COL4A4: variants seen among roughly 807,000 people sequenced by gnomAD.
COL4A4 encodes the protein collagen alpha-4(IV) chain.
A neutral mutation model predicts 192.9 loss-of-function variants in COL4A4; 105 were observed. The ratio of observed to expected loss-of-function variants is 0.54; its 90% CI spans 0.46 to 0.64. The LOEUF (loss-of-function observed/expected upper bound fraction) is 0.64. Among genes scored for constraint, COL4A4 ranks in the 30% least tolerant of loss-of-function variants. The probability of loss-of-function intolerance (pLI) is 0.00; values close to 1 mark genes in which losing one functional copy is unlikely to be tolerated. For synonymous variants in COL4A4, 762 were observed against 769.9 expected (o/e 0.99, Z 0.17); for missense variants, 1,967 against 2,169.3 (o/e 0.91, Z 1.85).
intron 44 of COL4A4, among the ~76,000 whole-genome samples, chr2:227,013,754 AG>A (rs1441812372): frequency 1.1e-4 from 16 of 152,198 alleles, no homozygotes; most frequent in African/African-American, 3.6e-4. Context: ...ATTAAATCAA[AG>A]GGGCTTGCTT....
chr2:226,995,800 C>A, the COL4A4 span: 1 of 440,360 alleles, frequency 2.3e-6, no homozygotes, highest in South Asian at 3.8e-5. Context: ...ACTGCTGACT[C>A]AGCGATGCCT....
chr2:227,113,779 G>A (rs2061347756), intron 8 of COL4A4, among the ~76,000 whole-genome samples: 1 of 152,156 alleles, frequency 6.6e-6, no homozygotes, highest in Non-Finnish European at 1.5e-5. Flanking sequence ...CTTACTAAAG[G>A]GATCACTGCT....
intron 19 of COL4A4, 74 bp downstream of exon 19, chr2:227,098,620 T>C: frequency 8.9e-7 from 1 of 1,126,950 alleles, no homozygotes; most frequent in Non-Finnish European, 1.4e-6. Flanking sequence ...CAGCTACAGT[T>C]GAAAGCTACT....
Position 227,045,824 on chromosome 2 carries a change from A to T in COL4A4, c.3289+1651T>A. 3.4e-5 allele frequency among the ~76,000 whole-genome samples: 2 copies of T among 58,470 alleles called. 1 individual carries two copies. The highest frequency in any genetic ancestry group is 5.9e-5 in the Non-Finnish European group (2 of 33,722). 38.4% of individuals were successfully genotyped at this position (58,470 alleles called of 152,430 possible). On this transcript the variant is annotated intron_variant, in intron 35 of 47. Transcript: ENST00000396625. Reference sequence around the variant, plus strand: ...CACATATATATATATATACACATATATATATATACACACATATATATATAC... The same window carrying T: ...CACATATATATATATATACACATATTTATATATACACACATATATATATAC...
At chr2:227,028,204 G>A (rs922020757) in intron 41 of COL4A4, among the ~76,000 whole-genome samples, 195 bp from the exon 42 acceptor site, 3 of 152,140 alleles carry the variant, frequency 2.0e-5, no homozygotes, top group South Asian at 2.1e-4. Flanking sequence ...ATGATCGGCC[G>A]AAAGAACTAA....
Position 227,012,229 on chromosome 2 carries a change from GA to G in COL4A4, c.4284del (p.Gly1430AspfsTer122). On this transcript the variant is annotated frameshift_variant, in exon 45 of 48. Coordinates refer to ENST00000396625, the MANE Select transcript of COL4A4 (RefSeq NM_000092.5). LOFTEE classifies it high-confidence loss of function. ...TCTCCTGTGTCACCTTTACGTCCGG[GA>G]GGCCCAGGAGACCCAGGGACGCCAT... ...GVDGVPGSPGPPGRKGDTGED... is the reference protein window; with the variant it reads ...GVDGVPGSPGXPGRKGDTGED... The G allele has an allele frequency of 6.2e-7, 1 of 1,614,082 alleles. No homozygotes were observed. The highest frequency in any genetic ancestry group is 8.5e-7 in the Non-Finnish European group (1 of 1,180,006).
intron 7 of COL4A4, among the ~76,000 whole-genome samples, chr2:227,117,792 T>C (rs1261858352): frequency 7.3e-6 from 1 of 136,698 alleles, no homozygotes. Flanking sequence ...AGTCCAAAAT[T>C]CTGAAGAAAA....
chr2:226,975,214 A>G, the COL4A4 span, among the ~76,000 whole-genome samples: 49 of 152,206 alleles, frequency 3.2e-4, no homozygotes, highest in Admixed American at 3.2e-3. Flanking sequence ...TAACAGGACC[A>G]TGTAGAAAAG....
chr2:227,154,635 C>T (rs543133809), intron 1 of COL4A4, among the ~76,000 whole-genome samples: 5 of 152,324 alleles, frequency 3.3e-5, no homozygotes, highest in South Asian at 2.1e-4. Flanking sequence ...CATCTGAATA[C>T]TCTCTTTCCA....
chr2:227,101,459 A>T (rs1020842902), intron 17 of COL4A4, 45 bp downstream of exon 17: 5 of 1,400,566 alleles, frequency 3.6e-6, no homozygotes, highest in Non-Finnish European at 5.0e-6. Context: ...AATATTAAGG[A>T]TATAAACTTT....
intron 25 of COL4A4, among the ~76,000 whole-genome samples, chr2:227,065,685 T>C (rs1459529049): frequency 3.3e-5 from 5 of 150,648 alleles, no homozygotes; most frequent in South Asian, 2.1e-4. Context: ...GAAGGAAAAC[T>C]AACAAACAGA....
chr2:227,097,510 G>A (rs6758296), intron 19 of COL4A4, among the ~76,000 whole-genome samples: 15,003 of 152,158 alleles, frequency 0.099, 981 homozygotes, highest in African/African-American at 0.19. Flanking sequence ...TTAAAACCTT[G>A]TGAATTAAGA....
intron 37 of COL4A4, among the ~76,000 whole-genome samples, chr2:227,036,294 C>T (rs1969658935): frequency 6.6e-6 from 1 of 152,198 alleles, no homozygotes; most frequent in African/African-American, 2.4e-5. Context: ...TGCATTCCCA[C>T]TCTCAGGCTG....
intron 4 of COL4A4, among the ~76,000 whole-genome samples, chr2:227,122,871 TTA>T (rs1328926500): frequency 5.3e-5 from 8 of 151,192 alleles, no homozygotes; most frequent in African/African-American, 2.0e-4. Context: ...TTTATTATTA[TTA>T]TTTTTTTTTG....
In COL4A4 at chr2:227,080,554, A is replaced by T; in HGVS notation, c.1697-5T>A. Reference sequence around the variant, plus strand: ...GACCTCTTTCTCCTTTGTGCCCTGGAAATAGAGGTCAAAAGATATTCAAGC... The same window carrying T: ...GACCTCTTTCTCCTTTGTGCCCTGGTAATAGAGGTCAAAAGATATTCAAGC... On this transcript the variant is annotated splice_polypyrimidine_tract_variant and splice_region_variant and intron_variant, in intron 23 of 47. Coordinates refer to ENST00000396625, the MANE Select transcript of COL4A4 (RefSeq NM_000092.5). The T allele has an allele frequency of 6.2e-7, 1 of 1,611,792 alleles. No homozygotes were observed. Among genetic ancestry groups the T allele is most frequent in the Admixed American group, 1.7e-5 (1 of 59,994 alleles).
chr2:227,002,861 A>G lies in COL4A4; in HGVS notation c.*4464T>C, dbSNP rs187308970. ...AACTTTACAACCAGAGGTTAGAGAA[A>G]GGGATGCAATTTATTAGACACATTT... is the stretch of plus-strand genomic sequence containing the variant. On this transcript the variant is annotated 3_prime_UTR_variant, in exon 48 of 48. Coordinates refer to ENST00000396625, the MANE Select transcript of COL4A4 (RefSeq NM_000092.5). 123 of 152,808 alleles carry G rather than the reference A, an allele frequency of 8.0e-4. No individual in the cohort carries two copies. Among genetic ancestry groups the G allele is most frequent in the African/African-American group, 2.8e-3 (118 of 41,592 alleles). The allele number at this position is 152,808 out of a possible 1,614,324, so 9.5% of individuals were successfully genotyped here.
At position 227,056,012 on chromosome 2, in the gene COL4A4, G is replaced by A. The variant is rs1318425498; in HGVS notation, c.2649C>T (p.Pro883=). ...GACCTGGGATTCCTGGGAGGCCTGG[G>A]GGACCATGTGCCCCAGGCCGTCCTG... ...GLPGRPGAHG[P]PGLPGIPGPF... The change falls in exon 30 of 48, where the codon CCC becomes CCT. Residue 883 remains proline, a synonymous_variant. Coordinates refer to ENST00000396625, the MANE Select transcript of COL4A4 (RefSeq NM_000092.5). The A allele has an allele frequency of 6.8e-6, 11 of 1,613,864 alleles. No individual in the cohort carries two copies. In the African/African-American group the frequency reaches 8.0e-5, roughly 12 times the overall value.
chr2:227,159,223 G>A (rs927958019), intron 1 of COL4A4, among the ~76,000 whole-genome samples: 20 of 152,094 alleles, frequency 1.3e-4, no homozygotes, highest in African/African-American at 2.2e-4. Flanking sequence ...TAGTATACAC[G>A]GTATAATTCC....
In COL4A4 at chr2:227,114,623, CTT is replaced by C; in HGVS notation, c.558+3_558+4del. The stretch of plus-strand genomic sequence containing the variant: ...TTTTTAACCCATCATGATCATAATA[CTT>C]ACCTGAATACCTTTAACGGCACCTA... On this transcript the variant is annotated splice_donor_region_variant and intron_variant, in intron 8 of 47. Transcript: ENST00000396625. The C allele has an allele frequency of 1.2e-6, 2 of 1,613,254 alleles. No homozygotes were observed. Among genetic ancestry groups the C allele is most frequent in the Non-Finnish European group, 1.7e-6 (2 of 1,179,200 alleles).
Sources: allele counts gnomAD v4.1 joint callset (sites outside exome capture counted in the v4.1 genomes callset), GRCh38; gene constraint gnomAD v4.1.1; transcripts MANE v1.5; gene names NCBI Gene and HGNC (gene_info 2026-07-23, HGNC 2026-07-21).